The following RNF220 variants were observed in gnomAD, a reference collection of about 807,000 sequenced individuals.
The protein encoded by RNF220 is ring finger protein 220, also known as E3 ubiquitin-protein ligase RNF220.
Under a neutral mutation model 67.1 loss-of-function variants are expected in RNF220, and 7 were observed. The observed-to-expected ratio is 0.10, with a 90% CI of 0.06 to 0.20. RNF220 has a LOEUF of 0.20. Among genes scored for constraint, RNF220 ranks in the 10% least tolerant of loss-of-function variants. The probability of loss-of-function intolerance (pLI) is 1.00; values close to 1 mark genes in which losing one functional copy is unlikely to be tolerated. For synonymous variants in RNF220, 270 were observed against 283.2 expected, an observed-to-expected ratio of 0.95 and a Z score of 0.47; for missense variants, 565 against 740.3, an observed-to-expected ratio of 0.76 and a Z score of 2.75.
rs1259634170 is a variant in RNF220 at position 44,650,585 on chromosome 1, T to A, written c.1630-119T>A. The A allele has an allele frequency of 9.1e-7, 1 of 1,095,084 alleles. No individual in the cohort carries two copies. Among genetic ancestry groups the A allele is most frequent in the African/African-American group, 1.5e-5 (1 of 64,896 alleles). The allele number at this position is 1,095,084 out of a possible 1,614,324, so 67.8% of individuals were successfully genotyped here. On this transcript the variant is annotated intron_variant, in intron 14 of 14. Coordinates refer to ENST00000361799, the MANE Select transcript of RNF220 (RefSeq NM_018150.4). This position sits in a 1 kb window ranked among gnomAD's most constrained non-coding sequence, Gnocchi z 4.3. Reference sequence around the variant, plus strand: ...CTGCCTATGCGTCCCCAGCCTGGGCTGACAGGACCAAGGTCTCAGCACACA... The same window carrying A: ...CTGCCTATGCGTCCCCAGCCTGGGCAGACAGGACCAAGGTCTCAGCACACA...
At chr1:44,524,603 C>G (rs561158586) in intron 2 of RNF220, among the ~76,000 whole-genome samples, 19 of 152,288 alleles carry the variant, frequency 1.2e-4, no homozygotes, top group African/African-American at 3.8e-4. Flanking sequence ...TTGCTCTGCC[C>G]GTCTCTTCCT....
intron 12 of RNF220, among the ~76,000 whole-genome samples, chr1:44,648,155 C>T (rs780171183): frequency 5.3e-5 from 8 of 152,180 alleles, no homozygotes; most frequent in Non-Finnish European, 1.0e-4. Flanking sequence ...TAGTCATGGT[C>T]AATCACACAG....
intron 2 of RNF220, among the ~76,000 whole-genome samples, chr1:44,500,113 A>T (rs1455991010): frequency 2.0e-5 from 3 of 152,096 alleles, no homozygotes; most frequent in African/African-American, 4.8e-5. Context: ...TTAATACATA[A>T]ATCAAATTCT....
In RNF220 at chr1:44,622,237, C is replaced by T. The variant is rs1002454171; in HGVS notation, c.759-505C>T. Among the ~76,000 whole-genome samples the T allele has an allele frequency of 6.6e-6, 1 of 152,220 alleles. No individual in the cohort carries two copies. The highest frequency in any genetic ancestry group is 1.5e-5 in the Non-Finnish European group (1 of 68,024). The stretch of plus-strand genomic sequence containing the variant: ...CAGGGCCCAGCTCCCGCCTGCCTGC[C>T]GCGCCCGATGCCGGAGGGCCTGGGG... On this transcript the variant is annotated intron_variant, in intron 3 of 14. Transcript: ENST00000361799. The surrounding 1 kb of genome is among the most constrained non-coding windows in gnomAD (Gnocchi z 4.3).
At position 44,431,429 on chromosome 1, in the gene RNF220, T is replaced by C. The variant is rs866578503; in HGVS notation, c.625+18707T>C. On this transcript the variant is annotated intron_variant, in intron 2 of 14. Transcript: ENST00000361799. ...TGCTTAAACTTGGGAGGCAGAGAGA[T>C]TGCAGTGAGCCGAGATCATGCCACT... Among the ~76,000 whole-genome samples, 10 of 150,504 alleles carry C rather than the reference T, an allele frequency of 6.6e-5. No homozygotes were observed. The South Asian group carries it at 1.9e-3, about 28-fold the overall frequency.
intron 2 of RNF220, among the ~76,000 whole-genome samples, chr1:44,445,169 G>A (rs1234036583): frequency 1.3e-5 from 2 of 152,088 alleles, no homozygotes; most frequent in African/African-American, 2.4e-5. Flanking sequence ...TTGGTGAAGT[G>A]CCTGTTCAAT....
At chr1:44,598,481 A>G (rs929107510) in intron 2 of RNF220, among the ~76,000 whole-genome samples, 2 of 152,188 alleles carry the variant, frequency 1.3e-5, no homozygotes, top group African/African-American at 2.4e-5. Context: ...CCAGGGCACT[A>G]AATCCCACAC....
chr1:44,552,563 CTTCTTTTT>C (rs1464238918), intron 2 of RNF220, among the ~76,000 whole-genome samples: 7 of 71,362 alleles, frequency 9.8e-5, no homozygotes, highest in Non-Finnish European at 1.8e-4. Context: ...TTCTAAACTT[CTTCTTTTT>C]TTTTTTTTTT....
intron 2 of RNF220, among the ~76,000 whole-genome samples, chr1:44,520,200 C>T (rs768656114): frequency 1.3e-5 from 2 of 151,428 alleles, no homozygotes; most frequent in Admixed American, 6.6e-5. Flanking sequence ...CGGTGGCTCA[C>T]GCCTGTAATC....
At chr1:44,613,045 T>C (rs1361479458) in intron 2 of RNF220, among the ~76,000 whole-genome samples, 1 of 151,570 alleles carries the variant, frequency 6.6e-6, no homozygotes, top group Non-Finnish European at 1.5e-5. Context: ...CCACAGAGCA[T>C]CCATGGATAT....
intron 2 of RNF220, among the ~76,000 whole-genome samples, chr1:44,500,460 G>C (rs924952688): frequency 3.3e-5 from 5 of 152,036 alleles, no homozygotes; most frequent in Non-Finnish European, 7.4e-5. Context: ...TCTTTTTCTG[G>C]GTGGACTTGT....
chr1:44,534,764 G>A (rs12403454), intron 2 of RNF220, among the ~76,000 whole-genome samples: 22,843 of 152,092 alleles, frequency 0.15, 2,159 homozygotes, highest in Middle Eastern at 0.29. Context: ...CCTCCAGTTC[G>A]TTAACCTCAA....
At chr1:44,445,724 C>T (rs1272798444) in intron 2 of RNF220, among the ~76,000 whole-genome samples, 1 of 118,906 alleles carries the variant, frequency 8.4e-6, no homozygotes, top group Non-Finnish European at 1.8e-5. Flanking sequence ...CCGCCTCAAT[C>T]CCTCCATCTT....
At chr1:44,423,865 G>C in intron 2 of RNF220, 1 of 985,432 alleles carries the variant, frequency 1.0e-6, no homozygotes, top group Non-Finnish European at 1.2e-6. Context: ...GTAGTGCCAA[G>C]AGTATTGAAG....
Position 44,412,102 on chromosome 1 carries a change from A to G in RNF220, c.5A>G (p.Asp2Gly). The change falls in exon 2 of 15, where the codon GAC becomes GGC. Residue 2 changes from aspartate (D) to glycine (G), a missense_variant. Transcript: ENST00000361799. The surrounding 1 kb of genome is among the most constrained non-coding windows in gnomAD (Gnocchi z 5.3). M[D>G]LHRAAFKMEN... Reference sequence around the variant, plus strand: ...CGGCCACAGAAAGAGACTCCGATGGACTTACACCGGGCAGCCTTCAAGATG... The same window carrying G: ...CGGCCACAGAAAGAGACTCCGATGGGCTTACACCGGGCAGCCTTCAAGATG... 6.2e-7 allele frequency: 1 copy of G among 1,610,442 alleles called. No homozygotes were observed. The highest frequency in any genetic ancestry group is 8.5e-7 in the Non-Finnish European group (1 of 1,177,612).
rs962191608 is a variant in RNF220, at chr1:44,600,989, G to T, written c.626-13176G>T. 6.6e-6 allele frequency among the ~76,000 whole-genome samples: 1 copy of T among 152,140 alleles called. No individual in the cohort carries two copies. The highest frequency in any genetic ancestry group is 2.4e-5 in the African/African-American group (1 of 41,406). ...CTATATTACAGGCTCCCACAGCACT[G>T]TTGACCTCTTTTTGGTACAATTGCA... On this transcript the variant is annotated intron_variant, in intron 2 of 14. Coordinates refer to ENST00000361799, the MANE Select transcript of RNF220 (RefSeq NM_018150.4). This position sits in a 1 kb window ranked among gnomAD's most constrained non-coding sequence, Gnocchi z 4.0.
chr1:44,591,880 C>T (rs1168271891), intron 2 of RNF220, among the ~76,000 whole-genome samples: 3 of 152,108 alleles, frequency 2.0e-5, no homozygotes, highest in South Asian at 2.1e-4. Flanking sequence ...AGACTTCTCT[C>T]CTCCAGGAAG....
chr1:44,422,672 GC>G (rs2147840336), intron 2 of RNF220, among the ~76,000 whole-genome samples: 1 of 152,294 alleles, frequency 6.6e-6, no homozygotes, highest in Non-Finnish European at 1.5e-5. Context: ...CAAGTCTGTT[GC>G]TCATGGCCAG....
At chr1:44,595,769 T>C (rs1009309144) in intron 2 of RNF220, among the ~76,000 whole-genome samples, 1 of 152,046 alleles carries the variant, frequency 6.6e-6, no homozygotes, top group Non-Finnish European at 1.5e-5. Flanking sequence ...TTTTTATTTA[T>C]TTTTTATTTT....
Sources: gnomAD v4.1 joint callset for allele counts (sites outside exome capture counted in the v4.1 genomes callset) on GRCh38, gnomAD v4.1.1 for gene constraint, Gnocchi (gnomAD v3.1) non-coding constraint, MANE v1.5 for transcripts, NCBI Gene and HGNC (gene_info 2026-07-23, HGNC 2026-07-21) for gene names.